PRH1: variants seen among roughly 807,000 people sequenced by gnomAD.
The protein encoded by PRH1 is proline rich protein HaeIII subfamily 1, also known as salivary acidic proline-rich phosphoprotein 1/2.
In PRH1, 7 loss-of-function variants were observed where a neutral mutation model predicts 7.9. The observed-to-expected ratio is 0.89, with a 90% CI of 0.50 to 1.67. The LOEUF is 1.67. Among genes scored for constraint, PRH1 ranks in the 40% most tolerant of loss-of-function variants. The pLI, the probability that PRH1 is intolerant of heterozygous loss-of-function variation, is 0.00. For synonymous variants in PRH1, 45 were observed against 80.8 expected (o/e 0.56, Z 2.38); for missense variants, 109 against 223.6 (o/e 0.49, Z 3.27).
At chr12:11,028,300 C>G (rs1345444360) in intron 1 of PRH1, among the ~76,000 whole-genome samples, 1 of 152,206 alleles carries the variant, frequency 6.6e-6, no homozygotes, top group Admixed American at 6.5e-5. Flanking sequence ...TCTCTCTCTT[C>G]CATGGACTAA....
exon 1 of PRH1, chr12:11,047,056 C>G (rs749105489): frequency 2.0e-6 from 1 of 506,606 alleles, no homozygotes; most frequent in East Asian, 5.6e-5. Context: ...CCCTCCACAT[C>G]CAAACTAGCC....
upstream of PRH1, chr12:11,048,294 AG>A: frequency 5.9e-6 from 1 of 170,170 alleles, no homozygotes; most frequent in South Asian, 1.8e-4. Flanking sequence ...GTTTGTTTTC[AG>A]CTAAAAGATA....
At chr12:11,147,518 T>C (rs1167670792) in intron 1 of PRH1, among the ~76,000 whole-genome samples, 2 of 152,170 alleles carry the variant, frequency 1.3e-5, no homozygotes, top group East Asian at 1.9e-4. Flanking sequence ...ATATTGTAAT[T>C]TACTGTTGGC....
chr12:11,131,226 G>A (rs563002934), intron 1 of PRH1, among the ~76,000 whole-genome samples: 2 of 152,286 alleles, frequency 1.3e-5, no homozygotes, highest in Admixed American at 6.5e-5. Flanking sequence ...GCCAGCTGTG[G>A]TTTCCCTTTG....
At chr12:10,989,734 T>A (rs1485282611) in intron 1 of PRH1, among the ~76,000 whole-genome samples, 3 of 152,214 alleles carry the variant, frequency 2.0e-5, no homozygotes, top group African/African-American at 4.8e-5. Flanking sequence ...TTTCCTTTTA[T>A]CTAAAAAATA....
At chr12:11,120,651 GTT>G (rs35216470), downstream of PRH1, among the ~76,000 whole-genome samples, 3 of 149,202 alleles carry the variant, frequency 2.0e-5, no homozygotes, top group African/African-American at 7.4e-5. Flanking sequence ...TCAGATGGCT[GTT>G]TTTTTTTTAA....
intron 1 of PRH1, chr12:11,061,246 G>A (rs1943586861): frequency 7.0e-7 from 1 of 1,424,906 alleles, no homozygotes; most frequent in Non-Finnish European, 9.4e-7. Context: ...ACTTTTCTAG[G>A]TACATGCTTG....
chr12:10,934,314 T>C (rs908317124), intron 2 of PRH1, among the ~76,000 whole-genome samples: 2 of 152,128 alleles, frequency 1.3e-5, no homozygotes, highest in African/African-American at 2.4e-5. Flanking sequence ...AGCTCCTCTA[T>C]AAACCATCTC....
intron 2 of PRH1, among the ~76,000 whole-genome samples, chr12:10,963,545 G>A (rs1464582646): frequency 6.6e-6 from 1 of 152,126 alleles, no homozygotes; most frequent in East Asian, 1.9e-4. Flanking sequence ...GGGCTCTGAA[G>A]CAGTTTAGGA....
rs548410634 is a variant in PRH1, at chr12:10,910,487, T to C, written c.-58-26212A>G. The stretch of plus-strand genomic sequence containing the variant: ...AAATAAAAATTAAAAAAATAAAAAG[T>C]AAAAAAATGTGTTAAAATATATAGT... On this transcript the variant is annotated intron_variant, in intron 2 of 3. Coordinates refer to the PRH1 transcript ENST00000539853. 2.6e-5 allele frequency among the ~76,000 whole-genome samples: 4 copies of C among 152,080 alleles called. No individual in the cohort carries two copies. The South Asian group carries it at 6.2e-4, about 24-fold the overall frequency.
intron 1 of PRH1, among the ~76,000 whole-genome samples, chr12:11,019,500 C>A (rs111251155): frequency 6.6e-6 from 1 of 151,426 alleles, no homozygotes; most frequent in Non-Finnish European, 1.5e-5. Context: ...CTTTTCCATG[C>A]GTTTATAACA....
At chr12:11,130,440 G>C (rs1025554226) in intron 1 of PRH1, among the ~76,000 whole-genome samples, 1 of 152,114 alleles carries the variant, frequency 6.6e-6, no homozygotes, top group Non-Finnish European at 1.5e-5. Context: ...TGGGATTTTG[G>C]AGACAACATA....
At chr12:11,070,834 T>G (rs1385233108) in intron 1 of PRH1, among the ~76,000 whole-genome samples, 1 of 84,248 alleles carries the variant, frequency 1.2e-5, no homozygotes, top group Non-Finnish European at 2.9e-5. Context: ...TCTGTGTTAT[T>G]TGCGTTGGCT....
intron 1 of PRH1, among the ~76,000 whole-genome samples, chr12:11,141,668 T>A (rs1162662166): frequency 1.3e-5 from 2 of 152,222 alleles, no homozygotes; most frequent in African/African-American, 4.8e-5. Flanking sequence ...GGAGTTAATA[T>A]ACTATTTGTA....
intron 1 of PRH1, among the ~76,000 whole-genome samples, chr12:11,026,728 TAAATC>T (rs1334918100): frequency 6.6e-6 from 1 of 152,172 alleles, no homozygotes; most frequent in Non-Finnish European, 1.5e-5. Flanking sequence ...ACCAGAAACT[TAAATC>T]AACACTCACA....
At chr12:10,940,938 C>T (rs1950389519) in intron 2 of PRH1, among the ~76,000 whole-genome samples, 1 of 152,120 alleles carries the variant, frequency 6.6e-6, no homozygotes, top group Admixed American at 6.5e-5. Context: ...TTGGAAATTA[C>T]CGTATATTTA....
intron 1 of PRH1, chr12:11,061,889 G>A: frequency 6.2e-7 from 1 of 1,613,904 alleles, no homozygotes; most frequent in Non-Finnish European, 8.5e-7. Context: ...AATAGCAAAG[G>A]CCCCAATAGT....
intron 2 of PRH1, among the ~76,000 whole-genome samples, chr12:10,948,926 T>A (rs1950528716): frequency 6.6e-6 from 1 of 152,160 alleles, no homozygotes; most frequent in Admixed American, 6.5e-5. Flanking sequence ...ATCCAGCAGG[T>A]GACACTTATG....
At chr12:10,930,489 C>G (rs1239129644) in intron 2 of PRH1, among the ~76,000 whole-genome samples, 2 of 152,098 alleles carry the variant, frequency 1.3e-5, no homozygotes, top group Non-Finnish European at 2.9e-5. Context: ...TTTTTCACCA[C>G]CCTAATGTGG....
Sources: gnomAD v4.1 joint callset for allele counts (sites outside exome capture counted in the v4.1 genomes callset) on GRCh38, gnomAD v4.1.1 for gene constraint, MANE v1.5 for transcripts, NCBI Gene and HGNC (gene_info 2026-07-23, HGNC 2026-07-21) for gene names.